The following NTN4 variants were observed in gnomAD, a reference collection of about 807,000 sequenced individuals.
The protein encoded by NTN4 is netrin-4.
A neutral mutation model predicts 73.6 loss-of-function variants in NTN4; 32 were observed. That is an observed-to-expected ratio of 0.44 (90% CI 0.33 to 0.58). The LOEUF (loss-of-function observed/expected upper bound fraction) is 0.58. Among genes scored for constraint, NTN4 ranks in the 20% least tolerant of loss-of-function variants. NTN4 has a pLI of 0.04. For synonymous variants in NTN4, 258 were observed against 287.5 expected (o/e 0.90, Z 1.04); for missense variants, 654 against 798.3 (o/e 0.82, Z 2.18).
At chr12:95,760,186 C>G (rs903039474) in intron 2 of NTN4, among the ~76,000 whole-genome samples, 2 of 152,038 alleles carry the variant, frequency 1.3e-5, no homozygotes, top group Non-Finnish European at 2.9e-5. Context: ...TATTTTAGGG[C>G]TAATTTAACC....
chr12:95,707,393 C>T (rs1565891242), intron 5 of NTN4, among the ~76,000 whole-genome samples: 1 of 152,138 alleles, frequency 6.6e-6, no homozygotes, highest in African/African-American at 2.4e-5. Context: ...TTAGAATGTT[C>T]TTTCCCCAGT....
intron 5 of NTN4, among the ~76,000 whole-genome samples, chr12:95,687,176 C>CATT (rs113122304): frequency 7.3e-5 from 11 of 151,650 alleles, no homozygotes; most frequent in African/African-American, 1.9e-4. Flanking sequence ...CACAGTGCAT[C>CATT]ATTATTATTT....
chr12:95,667,681 A>C (rs943671815), intron 8 of NTN4, among the ~76,000 whole-genome samples: 3 of 151,816 alleles, frequency 2.0e-5, no homozygotes, highest in African/African-American at 7.3e-5. Context: ...ATACAGTGAA[A>C]TCCTGTCTCT....
Position 95,781,547 on chromosome 12 carries a change from C to T in NTN4, c.585+5392G>A, listed in dbSNP as rs917541615. On this transcript the variant is annotated intron_variant, in intron 2 of 9. Coordinates refer to ENST00000343702, the MANE Select transcript of NTN4 (RefSeq NM_021229.4). This position sits in a 1 kb window ranked among gnomAD's most constrained non-coding sequence, Gnocchi z 4.1. Reference sequence around the variant, plus strand: ...CAATAGGATGATCTGTGCAGCAAACCAATATGGCACACATTTACCTATGCA... The same window carrying T: ...CAATAGGATGATCTGTGCAGCAAACTAATATGGCACACATTTACCTATGCA... Among the ~76,000 whole-genome samples, 1 of 152,034 alleles carries T rather than the reference C, an allele frequency of 6.6e-6. No homozygotes were observed. Among genetic ancestry groups the T allele is most frequent in the African/African-American group, 2.4e-5 (1 of 41,382 alleles).
intron 3 of NTN4, among the ~76,000 whole-genome samples, chr12:95,737,451 G>T (rs2078786714): frequency 6.6e-6 from 1 of 152,144 alleles, no homozygotes; most frequent in African/African-American, 2.4e-5. Context: ...CATTCTGCTG[G>T]CTGGACAGCA....
chr12:95,717,580 A>G (rs2078615872), intron 3 of NTN4, among the ~76,000 whole-genome samples: 1 of 152,044 alleles, frequency 6.6e-6, no homozygotes. Context: ...TTCCTCAGCA[A>G]TACAACTGTT....
Position 95,733,792 on chromosome 12 carries a change from G to A in NTN4, c.864+4074C>T, listed in dbSNP as rs768830114. Among the ~76,000 whole-genome samples the A allele has an allele frequency of 5.3e-5, 8 of 152,206 alleles. No individual in the cohort carries two copies. In the South Asian group the frequency reaches 8.3e-4, roughly 16 times the overall value. ...GTTTTAAAAGACACAGGAGGGGGCC[G>A]GGCATGGTGGCTCATGCCTGTAATC... On this transcript the variant is annotated intron_variant, in intron 3 of 9. Transcript: ENST00000343702.
In NTN4 at chr12:95,787,017, G is replaced by A. The variant is rs1257891337; in HGVS notation, c.507C>T (p.Gly169=). The part of the protein sequence containing the change: ...YFATNCSATF[G]LEDDVVKKGA... Reference sequence around the variant, plus strand: ...CCTTCTTGACAACATCATCTTCCAGGCCAAATGTAGCGGAGCAGTTAGTCG... The same window carrying A: ...CCTTCTTGACAACATCATCTTCCAGACCAAATGTAGCGGAGCAGTTAGTCG... Residue 169 remains glycine (G), a synonymous_variant, in exon 2 of 10, where the codon GGC becomes GGT. Coordinates refer to ENST00000343702, the MANE Select transcript of NTN4 (RefSeq NM_021229.4). 4 of 1,614,104 alleles carry A rather than the reference G, an allele frequency of 2.5e-6. No individual in the cohort carries two copies. In the African/African-American group the frequency reaches 4.0e-5, roughly 16 times the overall value.
intron 5 of NTN4, among the ~76,000 whole-genome samples, chr12:95,704,793 C>T (rs553373584): frequency 3.3e-5 from 5 of 152,096 alleles, no homozygotes; most frequent in Non-Finnish European, 7.4e-5. Flanking sequence ...CCAAATGTAT[C>T]CTGGAATAGT....
intron 2 of NTN4, among the ~76,000 whole-genome samples, chr12:95,774,275 T>C (rs2079076994): frequency 6.6e-6 from 1 of 152,124 alleles, no homozygotes; most frequent in African/African-American, 2.4e-5. Context: ...ATAGGTTAGC[T>C]CAATAATTTT....
At chr12:95,750,917 C>T (rs1392199421) in intron 2 of NTN4, among the ~76,000 whole-genome samples, 2 of 152,130 alleles carry the variant, frequency 1.3e-5, no homozygotes, top group African/African-American at 4.8e-5. Context: ...CAGCAATTTA[C>T]TCTTAAAAAG....
chr12:95,775,547 C>A (rs2079085944), intron 2 of NTN4, among the ~76,000 whole-genome samples: 1 of 152,252 alleles, frequency 6.6e-6, no homozygotes, highest in Non-Finnish European at 1.5e-5. Flanking sequence ...CCGTGCATGG[C>A]TCAGAGGGTC....
At chr12:95,725,364 G>T (rs1019819472) in intron 3 of NTN4, among the ~76,000 whole-genome samples, 1 of 152,080 alleles carries the variant, frequency 6.6e-6, no homozygotes, top group Admixed American at 6.5e-5. Context: ...TTGGGGCCAG[G>T]TAAATTCTAT....
intron 6 of NTN4, among the ~76,000 whole-genome samples, chr12:95,683,268 G>A (rs1448793199): frequency 6.6e-6 from 1 of 152,010 alleles, no homozygotes; most frequent in Non-Finnish European, 1.5e-5. Context: ...CATCATGTTG[G>A]CCAGGCTGGC....
At chr12:95,727,865 G>C (rs1026017202) in intron 3 of NTN4, among the ~76,000 whole-genome samples, 2 of 152,160 alleles carry the variant, frequency 1.3e-5, no homozygotes, top group African/African-American at 4.8e-5. Flanking sequence ...ATATCACAGT[G>C]AATCTATAGG....
intron 2 of NTN4, among the ~76,000 whole-genome samples, chr12:95,785,829 T>C (rs2079163337): frequency 6.6e-6 from 1 of 152,228 alleles, no homozygotes. Context: ...TGGTGATCCA[T>C]GTATTGGATA....
At chr12:95,777,064 C>T (rs1253399228) in intron 2 of NTN4, among the ~76,000 whole-genome samples, 1 of 152,104 alleles carries the variant, frequency 6.6e-6, no homozygotes, top group Non-Finnish European at 1.5e-5. Flanking sequence ...CCAAACTAAG[C>T]TTCATAAGTG....
intron 2 of NTN4, among the ~76,000 whole-genome samples, chr12:95,758,202 T>C (rs2078960730): frequency 6.6e-6 from 1 of 152,252 alleles, no homozygotes; most frequent in Non-Finnish European, 1.5e-5. Flanking sequence ...CAGCAATGTA[T>C]GATGAAAATT....
At chr12:95,665,396 C>T (rs1007581646) in intron 9 of NTN4, among the ~76,000 whole-genome samples, 2 of 152,236 alleles carry the variant, frequency 1.3e-5, no homozygotes, top group East Asian at 1.9e-4. Flanking sequence ...AAGCAATAGT[C>T]GAAATGAATT....
Sources: gnomAD v4.1 joint callset for allele counts (sites outside exome capture counted in the v4.1 genomes callset) on GRCh38, gnomAD v4.1.1 for gene constraint, Gnocchi (gnomAD v3.1) non-coding constraint, MANE v1.5 for transcripts, NCBI Gene and HGNC (gene_info 2026-07-23, HGNC 2026-07-21) for gene names.